Variants in RBFOX1 observed in about 807,000 individuals in gnomAD.
RBFOX1 encodes the protein RNA binding fox-1 homolog 1, also known as RNA binding protein fox-1 homolog 1.
A neutral mutation model predicts 57.7 loss-of-function variants in RBFOX1; 8 were observed. That is an observed-to-expected ratio of 0.14 (90% confidence interval 0.08 to 0.25). RBFOX1 has a LOEUF of 0.25. RBFOX1 is among the 10% of genes least tolerant of loss of function. RBFOX1 has a pLI of 1.00. For missense variants in RBFOX1, 611 were observed against 548.5 expected (o/e 1.11, Z -1.14); for synonymous variants, 326 against 222.4 (o/e 1.47, Z -4.15).
intron 3 of RBFOX1, among the ~76,000 whole-genome samples, chr16:5,686,426 G>A (rs980206004): frequency 6.6e-6 from 1 of 152,136 alleles, no homozygotes; most frequent in Non-Finnish European, 1.5e-5. Context: ...CTGGGAATAG[G>A]AGGTAGAATA....
intron 3 of RBFOX1, among the ~76,000 whole-genome samples, chr16:6,780,533 TATATACATTTACATATATATTTAC>T (rs2080805706): frequency 7.7e-6 from 1 of 129,328 alleles, no homozygotes; most frequent in South Asian, 2.3e-4. Flanking sequence ...TATATATTTA[TATATACATTTACATATATATTTAC>T]ATATTTATAT....
At chr16:6,872,355 T>G (rs565354326) in intron 3 of RBFOX1, among the ~76,000 whole-genome samples, 8 of 152,324 alleles carry the variant, frequency 5.3e-5, no homozygotes, top group African/African-American at 1.7e-4. Context: ...TTCTCTCTTT[T>G]TCTCTTTCTC....
At chr16:7,685,351 T>C (rs1302331220) in intron 14 of RBFOX1, among the ~76,000 whole-genome samples, 1 of 152,140 alleles carries the variant, frequency 6.6e-6, no homozygotes, top group African/African-American at 2.4e-5. Context: ...GAGTGACTTC[T>C]TCCCTCTCCT....
intron 2 of RBFOX1, among the ~76,000 whole-genome samples, chr16:5,514,601 A>G (rs2043723162): frequency 6.6e-6 from 1 of 152,192 alleles, no homozygotes; most frequent in South Asian, 2.1e-4. Context: ...TGCCACAGTC[A>G]GGCACTGTTT....
intron 4 of RBFOX1, among the ~76,000 whole-genome samples, chr16:7,449,581 C>G (rs1021300341): frequency 2.0e-5 from 3 of 152,080 alleles, no homozygotes; most frequent in African/African-American, 7.2e-5. Context: ...ATCTCTTTAA[C>G]CTCGTTAGAC....
rs546316698 is a variant in RBFOX1, at chr16:6,104,553, C to A, written c.-127+84561C>A. ...CCTTAAAGAGAGCTCGCCTCCAAGC[C>A]CATCTTGCAGTCAATCTCTGTTCCC... On this transcript the variant is annotated intron_variant, in intron 1 of 15. Transcript: ENST00000550418. Among the ~76,000 whole-genome samples the A allele has an allele frequency of 2.0e-5, 3 of 152,222 alleles. No individual in the cohort carries two copies. The South Asian group carries it at 6.2e-4, about 32-fold the overall frequency.
At chr16:6,765,543 C>T (rs934017532) in intron 3 of RBFOX1, among the ~76,000 whole-genome samples, 1 of 152,010 alleles carries the variant, frequency 6.6e-6, no homozygotes, top group Non-Finnish European at 1.5e-5. Context: ...AAAAAGAATG[C>T]TGGTGGGAAT....
In RBFOX1 at chr16:5,878,836, CCAT is replaced by C. The variant is rs1249295794; in HGVS notation, c.351+11502_351+11504del. ...TTGAATAAAGTGGTAATCCATGCAG[CCAT>C]TTAAAATAGGAGGGTTGGAACAAAA... On this transcript the variant is annotated intron_variant, in intron 4 of 19. Coordinates refer to the RBFOX1 transcript ENST00000641259. Among the ~76,000 whole-genome samples, 27 of 152,138 alleles carry C rather than the reference CCAT, an allele frequency of 1.8e-4. 1 individual carries two copies. Among genetic ancestry groups the C allele is most frequent in the Admixed American group, 1.3e-3 (20 of 15,270 alleles).
intron 4 of RBFOX1, among the ~76,000 whole-genome samples, chr16:5,944,989 G>A (rs9928449): frequency 0.11 from 6,628 of 60,542 alleles, 457 homozygotes; most frequent in African/African-American, 0.28. Flanking sequence ...AAAAAAAAAA[G>A]AGAGAGAGAG....
chr16:5,457,301 AT>A (rs146990889), intron 1 of RBFOX1, among the ~76,000 whole-genome samples: 3,896 of 152,174 alleles, frequency 0.026, 131 homozygotes, highest in East Asian at 0.088. Context: ...TACCTGGATA[AT>A]TTTTATATTT....
chr16:7,566,328 C>G (rs1321991214), intron 5 of RBFOX1, among the ~76,000 whole-genome samples: 1 of 152,100 alleles, frequency 6.6e-6, no homozygotes, highest in African/African-American at 2.4e-5. Context: ...CTGTTTCCAG[C>G]CCAGACCTAG....
At chr16:6,337,450 G>A (rs932537520) in intron 2 of RBFOX1, among the ~76,000 whole-genome samples, 1 of 152,192 alleles carries the variant, frequency 6.6e-6, no homozygotes, top group Non-Finnish European at 1.5e-5. Flanking sequence ...GTGAAAGAAC[G>A]AGAATACGAA....
intron 9 of RBFOX1, among the ~76,000 whole-genome samples, chr16:7,601,714 A>C (rs186661743): frequency 1.3e-3 from 203 of 152,308 alleles, no homozygotes; most frequent in Admixed American, 1.2e-3. Context: ...GCAGTGGTAA[A>C]TGTGACTAAG....
intron 4 of RBFOX1, among the ~76,000 whole-genome samples, chr16:7,344,337 G>C (rs997750401): frequency 3.3e-5 from 5 of 149,514 alleles, no homozygotes; most frequent in Admixed American, 6.7e-5. Context: ...AATAATAATT[G>C]TTACATGATT....
intron 3 of RBFOX1, among the ~76,000 whole-genome samples, chr16:5,859,480 G>C (rs2057155952): frequency 6.6e-6 from 1 of 152,188 alleles, no homozygotes; most frequent in Admixed American, 6.5e-5. Flanking sequence ...TCCCATGGTA[G>C]AGTAAGGACG....
chr16:7,094,097 C>T (rs118070975), intron 4 of RBFOX1, among the ~76,000 whole-genome samples: 1 of 150,776 alleles, frequency 6.6e-6, no homozygotes, highest in Non-Finnish European at 1.5e-5. Flanking sequence ...AATAGCCCTT[C>T]TCTTCTTCAT....
At chr16:5,572,212 T>C (rs1328959322) in intron 2 of RBFOX1, among the ~76,000 whole-genome samples, 3 of 152,234 alleles carry the variant, frequency 2.0e-5, no homozygotes, top group Admixed American at 6.5e-5. Flanking sequence ...GGGAGACTTA[T>C]ACTTCTGTGG....
chr16:6,831,490 C>G (rs1383073150), intron 3 of RBFOX1, among the ~76,000 whole-genome samples: 1 of 152,180 alleles, frequency 6.6e-6, no homozygotes, highest in Non-Finnish European at 1.5e-5. Flanking sequence ...ATATCATTTA[C>G]TTAGCCTAAT....
At chr16:5,941,506 G>T (rs2059277244) in intron 4 of RBFOX1, among the ~76,000 whole-genome samples, 1 of 151,924 alleles carries the variant, frequency 6.6e-6, no homozygotes, top group African/African-American at 2.4e-5. Flanking sequence ...AAAAAAAAAG[G>T]TAAAAGAGGC....
Sources: gnomAD v4.1 joint callset for allele counts (sites outside exome capture counted in the v4.1 genomes callset) on GRCh38, gnomAD v4.1.1 for gene constraint, MANE v1.5 for transcripts, NCBI Gene and HGNC (gene_info 2026-07-23, HGNC 2026-07-21) for gene names.